The following NIBAN2 variants were observed in gnomAD, a reference collection of about 807,000 sequenced individuals.
NIBAN2 encodes niban apoptosis regulator 2.
NIBAN2 carries 36 observed loss-of-function variants against 81.8 expected under a neutral mutation model. That is an observed-to-expected ratio of 0.44 (90% CI 0.34 to 0.58). The LOEUF (loss-of-function observed/expected upper bound fraction) is 0.58. Ranked by LOEUF, NIBAN2 falls within the 20% of genes least tolerant of loss-of-function variation. The pLI is 0.02. For missense variants in NIBAN2, 897 were observed against 1,014.1 expected, an observed-to-expected ratio of 0.88 and a Z score of 1.57; for synonymous variants, 445 against 441.6, an observed-to-expected ratio of 1.01 and a Z score of -0.10.
rs746397390 is a variant in NIBAN2, at chr9:127,509,072, C to T, written c.1221G>A (p.Glu407=). 3 of 1,613,638 alleles carry T rather than the reference C, an allele frequency of 1.9e-6. No homozygotes were observed. Among genetic ancestry groups the T allele is most frequent in the Non-Finnish European group, 2.5e-6 (3 of 1,179,932 alleles). Residue 407 remains glutamate (E), a synonymous_variant, in exon 10 of 14, where the codon GAG becomes GAA. Transcript: ENST00000373312. ...YHPLKMQSCY[E]KMESLRLDGL... ...CGTCCAGTCGCAGCGACTCCATCTT[C>T]TCATAGCAGCTCTGCATCTTCAGGG...
rs1159175407 is a variant in NIBAN2 at position 127,536,356 on chromosome 9, G to C, written c.56-4578C>G. Reference sequence around the variant, plus strand: ...CCAGGCGAGCACTGCAGCCCTGGTGGGGGCTCAGCCAGAGGACCCAGCCTG... The same window carrying C: ...CCAGGCGAGCACTGCAGCCCTGGTGCGGGCTCAGCCAGAGGACCCAGCCTG... On this transcript the variant is annotated intron_variant, in intron 1 of 13. Coordinates refer to ENST00000373312, the MANE Select transcript of NIBAN2 (RefSeq NM_022833.4). This position sits in a 1 kb window ranked among gnomAD's most constrained non-coding sequence, Gnocchi z 4.0. Among the ~76,000 whole-genome samples the C allele has an allele frequency of 6.6e-6, 1 of 152,150 alleles. No individual in the cohort carries two copies. The highest frequency in any genetic ancestry group is 6.5e-5 in the Admixed American group (1 of 15,276).
At chr9:127,520,157 C>T (rs1190122028) in intron 5 of NIBAN2, among the ~76,000 whole-genome samples, 2 of 151,894 alleles carry the variant, frequency 1.3e-5, no homozygotes, top group African/African-American at 2.4e-5. Flanking sequence ...TGTGTCTCCA[C>T]ACCCCCCAAA....
rs909465723 is a variant in NIBAN2, at chr9:127,563,028, G to A, written c.55+5792C>T. Among the ~76,000 whole-genome samples the A allele has an allele frequency of 6.6e-6, 1 of 152,192 alleles. No homozygotes were observed. The highest frequency in any genetic ancestry group is 1.5e-5 in the Non-Finnish European group (1 of 68,040). On this transcript the variant is annotated intron_variant, in intron 1 of 13. Coordinates refer to ENST00000373312, the MANE Select transcript of NIBAN2 (RefSeq NM_022833.4). This position sits in a 1 kb window ranked among gnomAD's most constrained non-coding sequence, Gnocchi z 4.1. Reference sequence around the variant, plus strand: ...GATGAAGTGGTTATCGCAGGACGGCGGGTGAGTGGTTCCTAGTCCTGTTTT... The same window carrying A: ...GATGAAGTGGTTATCGCAGGACGGCAGGTGAGTGGTTCCTAGTCCTGTTTT...
At chr9:127,523,192 AATATATATATATATATATAT>A (rs71380069) in intron 5 of NIBAN2, among the ~76,000 whole-genome samples, 7 of 13,452 alleles carry the variant, frequency 5.2e-4, no homozygotes, top group Non-Finnish European at 7.2e-4. Context: ...AAAAAAAAAA[AATATATATATATATATATAT>A]ATATATATAT....
chr9:127,564,590 AGGTTGGGCG>A (rs1384107020), intron 1 of NIBAN2, among the ~76,000 whole-genome samples: 2 of 152,164 alleles, frequency 1.3e-5, no homozygotes, highest in Non-Finnish European at 2.9e-5. Context: ...CTCTTTTTAT[AGGTTGGGCG>A]TGGTGGCTCA....
chr9:127,533,222 C>G (rs370620475), intron 1 of NIBAN2, among the ~76,000 whole-genome samples: 15 of 151,752 alleles, frequency 9.9e-5, no homozygotes, highest in Non-Finnish European at 1.6e-4. Context: ...TTTGGGAGGC[C>G]GAGGTGGGCA....
At chr9:127,552,320 C>T (rs1169786738) in intron 1 of NIBAN2, among the ~76,000 whole-genome samples, 4 of 152,224 alleles carry the variant, frequency 2.6e-5, no homozygotes, top group Admixed American at 6.5e-5. Flanking sequence ...TGCCTGTAAT[C>T]GCAGCACTTT....
intron 2 of NIBAN2, among the ~76,000 whole-genome samples, chr9:127,530,093 C>T (rs972430727): frequency 6.6e-6 from 1 of 152,202 alleles, no homozygotes; most frequent in Non-Finnish European, 1.5e-5. Context: ...ATTCTGGCCC[C>T]GCTCACCTGG....
intron 9 of NIBAN2, 27 bp from the exon 10 acceptor site, chr9:127,509,158 G>T: frequency 6.3e-7 from 1 of 1,590,534 alleles, no homozygotes. Flanking sequence ...CGCGGGGGCT[G>T]AGCAGGGCCG....
intron 9 of NIBAN2, among the ~76,000 whole-genome samples, chr9:127,509,415 C>T (rs1227237731): frequency 6.6e-6 from 1 of 152,106 alleles, no homozygotes; most frequent in Non-Finnish European, 1.5e-5. Flanking sequence ...GCTGGGTGAC[C>T]TTGGGCAAGT....
intron 1 of NIBAN2, among the ~76,000 whole-genome samples, chr9:127,535,760 C>T (rs926106157): frequency 7.2e-5 from 11 of 151,978 alleles, no homozygotes; most frequent in African/African-American, 2.7e-4. Flanking sequence ...GCCAGGAACT[C>T]TGCTGGAGGG....
chr9:127,520,841 G>A (rs368889596), intron 5 of NIBAN2, among the ~76,000 whole-genome samples: 17 of 152,076 alleles, frequency 1.1e-4, no homozygotes, highest in African/African-American at 2.4e-4. Flanking sequence ...CCGAGATTGC[G>A]CCACTGCACT....
At chr9:127,564,692 G>A (rs1196492053) in intron 1 of NIBAN2, among the ~76,000 whole-genome samples, 2 of 152,020 alleles carry the variant, frequency 1.3e-5, no homozygotes, top group Admixed American at 6.6e-5. Context: ...GGCCAACATG[G>A]TGAAACCCTG....
At chr9:127,555,898 T>C (rs1175313599) in intron 1 of NIBAN2, among the ~76,000 whole-genome samples, 1 of 152,106 alleles carries the variant, frequency 6.6e-6, no homozygotes, top group African/African-American at 2.4e-5. Flanking sequence ...CCAGGTGAGC[T>C]TGACTGGGCT....
chr9:127,527,160 G>T, intron 3 of NIBAN2, 34 bp downstream of exon 3: 4 of 1,608,240 alleles, frequency 2.5e-6, no homozygotes, highest in Non-Finnish European at 3.4e-6. Context: ...AGAAAGCGGG[G>T]AGGCTCAGTG....
At position 127,534,917 on chromosome 9, in the gene NIBAN2, G is replaced by A. The variant is rs565916937; in HGVS notation, c.56-3139C>T. 3.3e-4 allele frequency among the ~76,000 whole-genome samples: 50 copies of A among 152,288 alleles called. 1 individual carries two copies. The highest frequency in any genetic ancestry group is 1.1e-3 in the African/African-American group (47 of 41,554). On this transcript the variant is annotated intron_variant, in intron 1 of 13. Transcript: ENST00000373312. Reference sequence around the variant, plus strand: ...TAACATCGGTACCATGGTTGTCATCGTCATGGCCACCACTTGCAGAGCATT... The same window carrying A: ...TAACATCGGTACCATGGTTGTCATCATCATGGCCACCACTTGCAGAGCATT...
intron 1 of NIBAN2, among the ~76,000 whole-genome samples, chr9:127,542,487 C>G (rs1430179276): frequency 6.6e-6 from 1 of 152,244 alleles, no homozygotes; most frequent in African/African-American, 2.4e-5. Flanking sequence ...CCAGACCCAC[C>G]CCCAAAAGAG....
chr9:127,561,991 G>T (rs907078483), intron 1 of NIBAN2, among the ~76,000 whole-genome samples: 13 of 152,194 alleles, frequency 8.5e-5, no homozygotes, highest in African/African-American at 2.9e-4. Context: ...TTCTGCAACC[G>T]CAGGATGATG....
chr9:127,567,689 T>A (rs1040479669), intron 1 of NIBAN2, among the ~76,000 whole-genome samples: 1 of 152,116 alleles, frequency 6.6e-6, no homozygotes, highest in Non-Finnish European at 1.5e-5. Context: ...CAAAAATAAG[T>A]GCAGGCGGAC....
Sources: gnomAD v4.1 joint callset for allele counts (sites outside exome capture counted in the v4.1 genomes callset) on GRCh38, gnomAD v4.1.1 for gene constraint, Gnocchi (gnomAD v3.1) non-coding constraint, MANE v1.5 for transcripts, NCBI Gene and HGNC (gene_info 2026-07-23, HGNC 2026-07-21) for gene names.